HEATR5B: variants seen among roughly 807,000 people sequenced by gnomAD.
HEATR5B encodes HEAT repeat-containing protein 5B.
In HEATR5B, 156 loss-of-function variants were observed where a neutral mutation model predicts 224.1. The ratio of observed to expected loss-of-function variants is 0.70; its 90% CI spans 0.61 to 0.80. The LOEUF is 0.80. Among genes scored for constraint, HEATR5B ranks in the 30% least tolerant of loss-of-function variants. The probability of loss-of-function intolerance (pLI) is 0.00; values close to 1 mark genes in which losing one functional copy is unlikely to be tolerated. For synonymous variants in HEATR5B, 1,027 were observed against 893.0 expected, an observed-to-expected ratio of 1.15 and a Z score of -2.68; for missense variants, 2,323 against 2,535.5, an observed-to-expected ratio of 0.92 and a Z score of 1.80.
In HEATR5B at chr2:37,056,529, T is replaced by G. The variant is rs1484205946; in HGVS notation, c.2310A>C (p.Val770=). Residue 770 remains valine (V), a synonymous_variant, in exon 16 of 36, where the codon GTA becomes GTC. Coordinates refer to ENST00000233099, the MANE Select transcript of HEATR5B (RefSeq NM_019024.3). ...IYLRIPAGEA[V]PGPLPLGVSV... is the part of the protein sequence containing the mutation. Reference sequence around the variant, plus strand: ...AGACTCCGAGAGGGAGGGGACCAGGTACTGCTTCTCCAGCAGGTATGCGTA... The same window carrying G: ...AGACTCCGAGAGGGAGGGGACCAGGGACTGCTTCTCCAGCAGGTATGCGTA... 1 of 1,612,932 alleles carries G rather than the reference T, an allele frequency of 6.2e-7. No individual in the cohort carries two copies. The highest frequency in any genetic ancestry group is 1.3e-5 in the African/African-American group (1 of 74,804).
chr2:37,047,885 C>T (rs754200005), intron 18 of HEATR5B, among the ~76,000 whole-genome samples: 4 of 152,056 alleles, frequency 2.6e-5, no homozygotes, highest in Non-Finnish European at 4.4e-5. Context: ...AAGACACCAT[C>T]GTTTTAAAAA....
intron 22 of HEATR5B, among the ~76,000 whole-genome samples, chr2:37,029,199 G>A (rs778388748): frequency 1.3e-5 from 2 of 152,204 alleles, no homozygotes; most frequent in Non-Finnish European, 2.9e-5. Context: ...ATAAGAAAAA[G>A]TGTGGGACAG....
chr2:37,059,467 T>A (rs1425459252), intron 12 of HEATR5B, among the ~76,000 whole-genome samples: 19 of 129,924 alleles, frequency 1.5e-4, no homozygotes, highest in African/African-American at 2.9e-4. Context: ...TATATATATT[T>A]TTTTTTTTTT....
At chr2:37,019,929 G>T in intron 25 of HEATR5B, 52 bp from the exon 26 acceptor site, 4 of 1,299,974 alleles carry the variant, frequency 3.1e-6, no homozygotes, top group Non-Finnish European at 4.3e-6. Context: ...TTTGAGACAC[G>T]GTCTTACTCT....
intron 11 of HEATR5B, 27 bp from the exon 12 acceptor site, chr2:37,060,760 C>T: frequency 6.2e-7 from 1 of 1,603,748 alleles, no homozygotes; most frequent in Non-Finnish European, 8.5e-7. Flanking sequence ...GAATACAAAA[C>T]CATGTATATG....
chr2:36,985,078 A>G (rs567449479), intron 35 of HEATR5B, among the ~76,000 whole-genome samples: 1 of 152,230 alleles, frequency 6.6e-6, no homozygotes, highest in Admixed American at 6.5e-5. Flanking sequence ...TAAAGTTGAC[A>G]ACAAAATTAA....
chr2:37,049,124 CTCA>C (rs1483312267), intron 18 of HEATR5B, among the ~76,000 whole-genome samples: 1 of 152,164 alleles, frequency 6.6e-6, no homozygotes, highest in African/African-American at 2.4e-5. Flanking sequence ...ATAACTGCAA[CTCA>C]TCATCTTAAT....
chr2:37,005,783 TG>T, intron 29 of HEATR5B, 24 bp from the exon 30 acceptor site: 1 of 1,515,794 alleles, frequency 6.6e-7, no homozygotes, highest in Non-Finnish European at 8.9e-7. Context: ...AATAAAAACA[TG>T]TTTTTTCACT....
At chr2:37,040,597 G>A in intron 19 of HEATR5B, 79 bp from the exon 20 acceptor site, 1 of 974,632 alleles carries the variant, frequency 1.0e-6, no homozygotes, top group African/African-American at 1.8e-5. Flanking sequence ...ATTGTTACAT[G>A]GGTATACTCT....
rs776380969 is a variant in HEATR5B at position 37,079,258 on chromosome 2, G to A, written c.200C>T (p.Pro67Leu). Residue 67 changes from proline to leucine, a missense_variant, in exon 3 of 36, where the codon CCT becomes CTT. Pro to Leu is a moderately conservative substitution (Grantham distance 98, BLOSUM62 -3). Coordinates refer to ENST00000233099, the MANE Select transcript of HEATR5B (RefSeq NM_019024.3). ...TGLISSSPGP[P>L]TRKLLAKNLA... is the part of the protein sequence containing the mutation. ...ATTTTTAGCTAATAATTTTCGTGTAGGTGGTCCAGGTGAACTACTTATTAA... is the reference window on the plus strand; with the variant it reads ...ATTTTTAGCTAATAATTTTCGTGTAAGTGGTCCAGGTGAACTACTTATTAA... 1 of 1,612,486 alleles carries A rather than the reference G, an allele frequency of 6.2e-7. No homozygotes were observed. The highest frequency in any genetic ancestry group is 1.1e-5 in the South Asian group (1 of 91,048).
rs189412577 is a variant in HEATR5B at position 36,994,843 on chromosome 2, C to T, written c.5546-4044G>A. On this transcript the variant is annotated intron_variant, in intron 33 of 35. Coordinates refer to ENST00000233099, the MANE Select transcript of HEATR5B (RefSeq NM_019024.3). ...CTCAGCTCACTGCAAGCTCCGCCCC[C>T]GGGTTCACGCCATGCTCCTGCCTCA... 3.9e-5 allele frequency among the ~76,000 whole-genome samples: 6 copies of T among 152,106 alleles called. No individual in the cohort carries two copies. In the East Asian group the frequency reaches 5.8e-4, roughly 15 times the overall value.
chr2:37,060,696 C>A lies in HEATR5B; in HGVS notation c.1734G>T (p.Leu578Phe). ...GTGGGAAAACATTTCGCCACAATAA[C>A]AACATCTTGGGCAGATGGTAACGAA... ...SVVRYHLPKMLLLWRNVFPRS... is the reference protein window; with the variant it reads ...SVVRYHLPKMFLLWRNVFPRS... Residue 578 changes from leucine (L) to phenylalanine (F), a missense_variant, in exon 12 of 36, where the codon TTG becomes TTT. By Grantham distance (22) the Leu-to-Phe change is conservative. This residue lies in a region of HEATR5B where 502 missense variants were observed against 517.8 expected (regional missense o/e 0.97). Transcript: ENST00000233099. 6.2e-7 allele frequency: 1 copy of A among 1,613,844 alleles called. No individual in the cohort carries two copies. The highest frequency in any genetic ancestry group is 8.5e-7 in the Non-Finnish European group (1 of 1,179,854).
At chr2:37,004,972 C>G (rs1256337985) in intron 30 of HEATR5B, among the ~76,000 whole-genome samples, 1 of 152,124 alleles carries the variant, frequency 6.6e-6, no homozygotes, top group Non-Finnish European at 1.5e-5. Context: ...ACAGAATGAT[C>G]CTTCTGAAAT....
At position 37,064,905 on chromosome 2, in the gene HEATR5B, A is replaced by C. The variant is rs771827513; in HGVS notation, c.1419T>G (p.Ala473=). Residue 473 remains alanine, a synonymous_variant, in exon 10 of 36, where the codon GCT becomes GCG. Transcript: ENST00000233099. The part of the protein sequence containing the change: ...LAAAWCLRCV[A]VALPFQLTPF... ...GTGTCAGCTGGAAAGGTAATGCCAC[A>C]GCCACACAGCGCAAACACCATGCAG... The C allele has an allele frequency of 1.2e-6, 2 of 1,614,064 alleles. No homozygotes were observed. Among genetic ancestry groups the C allele is most frequent in the Non-Finnish European group, 1.7e-6 (2 of 1,180,028 alleles).
intron 9 of HEATR5B, among the ~76,000 whole-genome samples, 174 bp downstream of exon 9, chr2:37,065,581 T>C (rs1165729920): frequency 1.3e-5 from 2 of 152,158 alleles, no homozygotes; most frequent in African/African-American, 2.4e-5. Flanking sequence ...AGTGCTAGGA[T>C]TATAGGCACG....
At position 36,981,577 on chromosome 2, in the gene HEATR5B, T is replaced by G. The variant is rs201596341; in HGVS notation, c.6129A>C (p.Gln2043His). 1 of 1,614,258 alleles carries G rather than the reference T, an allele frequency of 6.2e-7. No homozygotes were observed. The highest frequency in any genetic ancestry group is 2.2e-5 in the East Asian group (1 of 44,892). ...VRLETAVRASQASKAKAAARQ... is the reference protein window; with the variant it reads ...VRLETAVRASHASKAKAAARQ... ...TGGCAGCCGCTTTAGCTTTGCTCGCTTGGCTTGCTCGAACGGCAGTTTCTA... is the reference window on the plus strand; with the variant it reads ...TGGCAGCCGCTTTAGCTTTGCTCGCGTGGCTTGCTCGAACGGCAGTTTCTA... Residue 2043 changes from glutamine to histidine, a missense_variant, in exon 36 of 36, where the codon CAA becomes CAC. By Grantham distance (24) the Gln-to-His change is conservative. Around this residue, in one of 12 missense-constraint regions of HEATR5B, gnomAD observed 844 missense variants for 812.9 expected, o/e 1.04. Coordinates refer to ENST00000233099, the MANE Select transcript of HEATR5B (RefSeq NM_019024.3).
chr2:37,065,962 A>AT (rs749799415), intron 8 of HEATR5B, 52 bp from the exon 9 acceptor site: 4 of 1,535,764 alleles, frequency 2.6e-6, no homozygotes, highest in Non-Finnish European at 3.6e-6. Context: ...TTGTGGTATG[A>AT]TTTTTTTGGT....
chr2:36,989,637 C>T (rs1428257800), intron 34 of HEATR5B, among the ~76,000 whole-genome samples: 2 of 152,002 alleles, frequency 1.3e-5, no homozygotes, highest in African/African-American at 4.8e-5. Flanking sequence ...GTCTTACTGG[C>T]TCCACTTTGT....
chr2:37,048,391 C>T (rs1310869524), intron 18 of HEATR5B, among the ~76,000 whole-genome samples: 2 of 151,940 alleles, frequency 1.3e-5, no homozygotes, highest in Admixed American at 6.6e-5. Context: ...CACCATGTTG[C>T]CCAGGCTGAT....
Sources: allele counts gnomAD v4.1 joint callset (sites outside exome capture counted in the v4.1 genomes callset), GRCh38; gene constraint gnomAD v4.1.1; regional missense constraint gnomAD v4.1.1; transcripts MANE v1.5; gene names NCBI Gene and HGNC (gene_info 2026-07-23, HGNC 2026-07-21).